The following CNTN4 variants were observed in gnomAD, a reference collection of about 807,000 sequenced individuals.
CNTN4 encodes the protein contactin 4, also known as contactin-4.
A neutral mutation model predicts 122.5 loss-of-function variants in CNTN4; 77 were observed. The observed-to-expected ratio is 0.63, with a 90% confidence interval of 0.52 to 0.76. The LOEUF is 0.76. CNTN4 is among the 30% of genes least tolerant of loss of function. The pLI is 0.00. For missense variants in CNTN4, 1,256 were observed against 1,259.1 expected (o/e 1.00, Z 0.04); for synonymous variants, 512 against 447.0 (o/e 1.15, Z -1.83).
intron 2 of CNTN4, among the ~76,000 whole-genome samples, chr3:2,168,148 A>G (rs2036284304): frequency 6.6e-6 from 1 of 152,168 alleles, no homozygotes; most frequent in South Asian, 2.1e-4. Context: ...CATGGTTGGA[A>G]AGTTATACTC....
intron 19 of CNTN4, chr3:3,039,733 G>A (rs1699966069): frequency 2.6e-6 from 1 of 384,456 alleles, no homozygotes; most frequent in Admixed American, 3.8e-5. Context: ...TGGTTTTTCA[G>A]GAGACCGATG....
At chr3:2,223,959 G>A (rs1419588511) in intron 2 of CNTN4, among the ~76,000 whole-genome samples, 1 of 152,132 alleles carries the variant, frequency 6.6e-6, no homozygotes, top group Non-Finnish European at 1.5e-5. Context: ...GGCTTCTTGG[G>A]GGGCAGGTAG....
chr3:2,216,658 C>T (rs372441624), intron 2 of CNTN4, among the ~76,000 whole-genome samples: 10 of 152,016 alleles, frequency 6.6e-5, no homozygotes, highest in African/African-American at 2.4e-4. Context: ...GATTTCAACC[C>T]CCAAATTTTC....
At chr3:2,880,820 T>A (rs527439780) in intron 8 of CNTN4, among the ~76,000 whole-genome samples, 1 of 152,308 alleles carries the variant, frequency 6.6e-6, no homozygotes, top group East Asian at 1.9e-4. Context: ...ACCGTTTAAC[T>A]CTTGAGATTA....
At position 3,043,610 on chromosome 3, in the gene CNTN4, G is replaced by A. The variant is rs755671035; in HGVS notation, c.2717G>A (p.Gly906Glu). 15 of 1,613,716 alleles carry A rather than the reference G, an allele frequency of 9.3e-6. No homozygotes were observed. The Middle Eastern group carries it at 1.8e-3, about 195-fold the overall frequency. ...TRKPPPSQPP[G>E]NIIWNSSDSK... ...TTTATAGCACCAAGTCAACCCCCCG[G>A]AAACATCATATGGAATTCATCAGAC... Residue 906 changes from glycine to glutamate, a missense_variant, in exon 23 of 25, where the codon GGA becomes GAA. Physicochemically the swap from Gly to Glu is moderately conservative, Grantham distance 98. Coordinates refer to ENST00000418658, the MANE Select transcript of CNTN4 (RefSeq NM_175607.3).
At chr3:2,659,456 A>G (rs1477958918) in intron 4 of CNTN4, among the ~76,000 whole-genome samples, 2 of 129,754 alleles carry the variant, frequency 1.5e-5, no homozygotes, top group Non-Finnish European at 3.2e-5. Flanking sequence ...AGGAGACTCC[A>G]TCTCAAAAAA....
intron 14 of CNTN4, among the ~76,000 whole-genome samples, chr3:3,016,490 A>T (rs969535227): frequency 6.6e-6 from 1 of 152,202 alleles, no homozygotes; most frequent in East Asian, 1.9e-4. Context: ...TTCCCTGGTC[A>T]TGGGTAAAAA....
intron 3 of CNTN4, among the ~76,000 whole-genome samples, chr3:2,368,424 C>T (rs778922571): frequency 9.9e-5 from 15 of 152,068 alleles, no homozygotes; most frequent in Non-Finnish European, 1.6e-4. Context: ...TAGCCATTTA[C>T]GTAGGTCAAT....
chr3:2,155,766 C>A (rs896226640), intron 2 of CNTN4, among the ~76,000 whole-genome samples: 2 of 152,176 alleles, frequency 1.3e-5, no homozygotes, highest in Non-Finnish European at 2.9e-5. Context: ...TAGCTCTTGT[C>A]TGCACCAGAG....
At chr3:2,556,218 G>A (rs916046623) in intron 3 of CNTN4, among the ~76,000 whole-genome samples, 1 of 152,070 alleles carries the variant, frequency 6.6e-6, no homozygotes, top group Non-Finnish European at 1.5e-5. Context: ...ATACCTGAAG[G>A]AAATGTGGAG....
At chr3:2,670,735 T>C (rs1479520001) in intron 4 of CNTN4, among the ~76,000 whole-genome samples, 2 of 152,204 alleles carry the variant, frequency 1.3e-5, no homozygotes, top group Admixed American at 6.5e-5. Flanking sequence ...CTGGTACCGG[T>C]TGTTCCTTTC....
intron 2 of CNTN4, among the ~76,000 whole-genome samples, chr3:2,127,688 T>C (rs2034245470): frequency 6.6e-6 from 1 of 152,158 alleles, no homozygotes; most frequent in South Asian, 2.1e-4. Flanking sequence ...TATATGCCAA[T>C]TTCAATTTAG....
At chr3:2,447,033 CT>C (rs2048651442) in intron 3 of CNTN4, among the ~76,000 whole-genome samples, 1 of 152,162 alleles carries the variant, frequency 6.6e-6, no homozygotes, top group African/African-American at 2.4e-5. Context: ...CATATTTTAT[CT>C]TTCAATTTAA....
chr3:2,135,813 C>G (rs888609083), intron 2 of CNTN4, among the ~76,000 whole-genome samples: 4 of 152,122 alleles, frequency 2.6e-5, no homozygotes, highest in Non-Finnish European at 5.9e-5. Context: ...GAAAATGGTT[C>G]CTGGTCTACA....
chr3:3,028,796 CT>C (rs1698938023), intron 15 of CNTN4, among the ~76,000 whole-genome samples: 2 of 152,130 alleles, frequency 1.3e-5, no homozygotes, highest in South Asian at 4.1e-4. Context: ...CGGGTACTTT[CT>C]TATATACACT....
At chr3:2,301,218 T>C (rs774983931) in intron 2 of CNTN4, among the ~76,000 whole-genome samples, 2 of 152,186 alleles carry the variant, frequency 1.3e-5, no homozygotes, top group African/African-American at 2.4e-5. Flanking sequence ...AAAACTTTGT[T>C]AGCACACGCT....
chr3:2,296,801 C>A (rs1685448), intron 2 of CNTN4, among the ~76,000 whole-genome samples: 4,003 of 59,158 alleles, frequency 0.068, 201 homozygotes, highest in African/African-American at 0.21. Flanking sequence ...AAAAAAAAAA[C>A]AACAAAAAAC....
chr3:2,295,084 A>G (rs1201380685), intron 2 of CNTN4, among the ~76,000 whole-genome samples: 1 of 151,286 alleles, frequency 6.6e-6, no homozygotes, highest in African/African-American at 2.4e-5. Flanking sequence ...TCATTGATGG[A>G]CATTTGGTTT....
At chr3:2,605,625 G>A (rs758232449) in intron 4 of CNTN4, among the ~76,000 whole-genome samples, 47 of 152,298 alleles carry the variant, frequency 3.1e-4, no homozygotes, top group Non-Finnish European at 5.6e-4. Context: ...AGTGGTGGAG[G>A]TAGAGATTGG....
Sources: gnomAD v4.1 joint callset for allele counts (sites outside exome capture counted in the v4.1 genomes callset) on GRCh38, gnomAD v4.1.1 for gene constraint, MANE v1.5 for transcripts, NCBI Gene and HGNC (gene_info 2026-07-23, HGNC 2026-07-21) for gene names.